ABCC1: variants seen among roughly 807,000 people sequenced by gnomAD.
ABCC1 encodes multidrug resistance-associated protein 1.
Under a neutral mutation model 172.9 loss-of-function variants are expected in ABCC1, and 83 were observed. The observed-to-expected ratio is 0.48, with a 90% CI of 0.40 to 0.58. The LOEUF is 0.58. Ranked by LOEUF, ABCC1 falls within the 20% of genes least tolerant of loss-of-function variation. The probability of loss-of-function intolerance (pLI) is 0.00; values close to 1 mark genes in which losing one functional copy is unlikely to be tolerated. For missense variants in ABCC1, 1,817 were observed against 2,002.7 expected (o/e 0.91, Z 1.77); for synonymous variants, 937 against 825.2 (o/e 1.14, Z -2.32).
At chr16:16,055,443 A>C (rs1438297586) in intron 11 of ABCC1, among the ~76,000 whole-genome samples, 2 of 151,928 alleles carry the variant, frequency 1.3e-5, no homozygotes, top group Non-Finnish European at 2.9e-5. Context: ...CCAGCTACTC[A>C]GGAGGCTGAG....
chr16:16,048,662 C>G (rs2049312113), intron 10 of ABCC1, among the ~76,000 whole-genome samples: 1 of 152,198 alleles, frequency 6.6e-6, no homozygotes, highest in African/African-American at 2.4e-5. Context: ...TCAAAATTCT[C>G]TCAATTGCAA....
At chr16:16,134,625 C>CGT (rs1411368056) in intron 28 of ABCC1, 117 bp downstream of exon 28, 2 of 355,528 alleles carry the variant, frequency 5.6e-6, no homozygotes, top group African/African-American at 3.5e-5. Context: ...CTTCATCGTT[C>CGT]TTTTTTTTTT....
At chr16:16,067,936 T>A (rs528629063) in intron 12 of ABCC1, among the ~76,000 whole-genome samples, 17 of 152,330 alleles carry the variant, frequency 1.1e-4, no homozygotes, top group African/African-American at 4.1e-4. Context: ...GCCGGCTCTT[T>A]GGGCTCCCGG....
chr16:16,025,684 TG>T (rs1231063240), intron 5 of ABCC1, among the ~76,000 whole-genome samples: 1 of 152,174 alleles, frequency 6.6e-6, no homozygotes, highest in Non-Finnish European at 1.5e-5. Flanking sequence ...AATCAGTGCC[TG>T]GGGCTGCCGT....
At position 16,103,640 on chromosome 16, in the gene ABCC1, A is replaced by T. The variant is rs554274318; in HGVS notation, c.2735+923A>T. On this transcript the variant is annotated intron_variant, in intron 20 of 30. Coordinates refer to ENST00000399410, the MANE Select transcript of ABCC1 (RefSeq NM_004996.4). ...AGAAAACAGTAAAACAACAACAAAAATTGACAAAGTCGGAGCCTAAACGTA... is the reference window on the plus strand; with the variant it reads ...AGAAAACAGTAAAACAACAACAAAATTTGACAAAGTCGGAGCCTAAACGTA... Among the ~76,000 whole-genome samples, 157 of 152,246 alleles carry T rather than the reference A, an allele frequency of 1.0e-3. 1 individual carries two copies. The highest frequency in any genetic ancestry group is 3.6e-3 in the African/African-American group (149 of 41,560).
intron 16 of ABCC1, among the ~76,000 whole-genome samples, chr16:16,080,177 G>A (rs1375592597): frequency 1.3e-5 from 2 of 152,010 alleles, no homozygotes; most frequent in African/African-American, 4.8e-5. Flanking sequence ...TCCTTCCCTT[G>A]CGTCTCTGCC....
At position 16,012,688 on chromosome 16, in the gene ABCC1, C is replaced by CT. The variant is rs975934305; in HGVS notation, c.352-1791dup. On this transcript the variant is annotated intron_variant, in intron 3 of 30. Coordinates refer to ENST00000399410, the MANE Select transcript of ABCC1 (RefSeq NM_004996.4). ...TCCCTTAACATTCCTTGTTCCTGGT[C>CT]TTTTTTTTTTTTCCTTTGAGGCAGA... Among the ~76,000 whole-genome samples the CT allele has an allele frequency of 7.3e-3, 958 of 131,744 alleles. 6 individuals carry two copies. The highest frequency in any genetic ancestry group is 9.6e-3 in the African/African-American group (304 of 31,596). 86.4% of individuals were successfully genotyped at this position (131,744 alleles called of 152,430 possible).
chr16:16,064,962 C>G (rs1419620788), intron 12 of ABCC1, among the ~76,000 whole-genome samples: 5 of 152,194 alleles, frequency 3.3e-5, no homozygotes, highest in Non-Finnish European at 7.3e-5. Flanking sequence ...GGGCGGCTTG[C>G]AGTTTTAAGT....
chr16:16,103,362 C>A (rs1270292165), intron 20 of ABCC1, among the ~76,000 whole-genome samples: 1 of 151,972 alleles, frequency 6.6e-6, no homozygotes, highest in Non-Finnish European at 1.5e-5. Flanking sequence ...GGCGGATCAC[C>A]TGAGGACAGG....
At chr16:15,989,709 G>A (rs987951141) in intron 1 of ABCC1, among the ~76,000 whole-genome samples, 3 of 151,996 alleles carry the variant, frequency 2.0e-5, no homozygotes, top group Non-Finnish European at 4.4e-5. Flanking sequence ...CCTGTGACTC[G>A]CGGGCCATCT....
In ABCC1 at chr16:16,124,337, G is replaced by GTA. The variant is rs1555502568; in HGVS notation, c.3591-451_3591-450insAT. Among the ~76,000 whole-genome samples, 42 of 122,884 alleles carry GTA rather than the reference G, an allele frequency of 3.4e-4. No homozygotes were observed. The Middle Eastern group carries it at 0.02, about 59-fold the overall frequency. The allele number at this position is 122,884 out of a possible 152,430, so 80.6% of individuals were successfully genotyped here. On this transcript the variant is annotated intron_variant, in intron 24 of 30. Transcript: ENST00000399410. ...GCACTGTGTGTGTGTGTGTGTGTGT[G>GTA]TGTGTGTGTGTGATTATAGGAGTGA...
intron 1 of ABCC1, among the ~76,000 whole-genome samples, chr16:15,955,926 G>A (rs1007410818): frequency 1.3e-5 from 2 of 152,138 alleles, no homozygotes; most frequent in Non-Finnish European, 2.9e-5. Context: ...AACAATTCAG[G>A]GGTTAGGAGT....
Position 16,045,874 on chromosome 16 carries a change from A to G in ABCC1, c.1079A>G (p.Asp360Gly), listed in dbSNP as rs758366236. 2 of 1,614,148 alleles carry G rather than the reference A, an allele frequency of 1.2e-6. No individual in the cohort carries two copies. Among genetic ancestry groups the G allele is most frequent in the South Asian group, 2.2e-5 (2 of 91,070 alleles). ...IKFVNDTKAP[D>G]WQGYFYTVLL... The stretch of plus-strand genomic sequence containing the variant: ...TTCGTGAATGACACGAAGGCCCCAG[A>G]CTGGCAGGGCTACTTCTACACCGTG... The change falls in exon 9 of 31, where the codon GAC becomes GGC. Residue 360 changes from aspartate to glycine, a missense_variant. Asp to Gly is a moderately conservative substitution (Grantham distance 94, BLOSUM62 -1). This residue lies in a region of ABCC1 where 1,412 missense variants were observed against 1,600.3 expected (regional missense o/e 0.88). Transcript: ENST00000399410.
intron 19 of ABCC1, among the ~76,000 whole-genome samples, chr16:16,092,617 A>T (rs1398284439): frequency 6.6e-6 from 1 of 152,050 alleles, no homozygotes; most frequent in African/African-American, 2.4e-5. Flanking sequence ...TGATCTGTTC[A>T]CTGGTTGATG....
chr16:16,129,594 G>C (rs1238153312), intron 26 of ABCC1, among the ~76,000 whole-genome samples: 1 of 150,618 alleles, frequency 6.6e-6, no homozygotes, highest in Admixed American at 6.6e-5. Flanking sequence ...CTGGAGTGTA[G>C]TGGTTTTATC....
intron 1 of ABCC1, among the ~76,000 whole-genome samples, chr16:15,966,825 T>G (rs1306406383): frequency 6.6e-6 from 1 of 151,040 alleles, no homozygotes; most frequent in Non-Finnish European, 1.5e-5. Context: ...TAATTTTTAA[T>G]TTTTTTTAGA....
chr16:16,009,004 G>A (rs1175797169), intron 2 of ABCC1, among the ~76,000 whole-genome samples: 2 of 150,472 alleles, frequency 1.3e-5, no homozygotes, highest in Admixed American at 6.6e-5. Flanking sequence ...AGGCTGGAGT[G>A]CAATGGTATG....
intron 28 of ABCC1, among the ~76,000 whole-genome samples, chr16:16,135,879 G>A (rs1420797286): frequency 1.3e-5 from 2 of 152,120 alleles, no homozygotes; most frequent in Non-Finnish European, 2.9e-5. Flanking sequence ...GAGAATCCAC[G>A]GGACTTTACT....
At chr16:16,013,617 T>C (rs1042683744) in intron 3 of ABCC1, among the ~76,000 whole-genome samples, 4 of 152,010 alleles carry the variant, frequency 2.6e-5, no homozygotes, top group Non-Finnish European at 5.9e-5. Flanking sequence ...AACCATATAG[T>C]CTAGCTGTGC....
Sources: allele counts gnomAD v4.1 joint callset (sites outside exome capture counted in the v4.1 genomes callset), GRCh38; gene constraint gnomAD v4.1.1; regional missense constraint gnomAD v4.1.1; transcripts MANE v1.5; gene names NCBI Gene and HGNC (gene_info 2026-07-23, HGNC 2026-07-21).